Variants in TMOD1 observed in about 807,000 individuals in gnomAD.
The protein encoded by TMOD1 is tropomodulin 1.
Under a neutral mutation model 40.6 loss-of-function variants are expected in TMOD1, and 17 were observed. The ratio of observed to expected loss-of-function variants is 0.42; its 90% CI spans 0.29 to 0.63. TMOD1 has a LOEUF of 0.63. Ranked by LOEUF, TMOD1 falls within the 20% of genes least tolerant of loss-of-function variation. TMOD1 has a pLI of 0.22. For missense variants in TMOD1, 391 were observed against 447.6 expected (o/e 0.87, Z 1.14); for synonymous variants, 181 against 175.0 (o/e 1.03, Z -0.27).
At chr9:97,556,340 G>A (rs189507012) in intron 4 of TMOD1, among the ~76,000 whole-genome samples, 195 of 152,298 alleles carry the variant, frequency 1.3e-3, no homozygotes, top group African/African-American at 3.8e-3. Flanking sequence ...CAGAAACTCC[G>A]CATGAGATGA....
At position 97,599,651 on chromosome 9, in the gene TMOD1, G is replaced by A. The variant is rs779493590; in HGVS notation, c.1033G>A (p.Ala345Thr). 2 of 1,614,144 alleles carry A rather than the reference G, an allele frequency of 1.2e-6. No individual in the cohort carries two copies. Among genetic ancestry groups the A allele is most frequent in the Non-Finnish European group, 1.7e-6 (2 of 1,180,014 alleles). The change falls in exon 10 of 10, where the codon GCG becomes ACG. Residue 345 changes from alanine (A) to threonine (T), a missense_variant. Physicochemically the swap from Ala to Thr is moderately conservative, Grantham distance 58. Coordinates refer to ENST00000259365, the MANE Select transcript of TMOD1 (RefSeq NM_003275.4). ...CTTTCCAGTGAGGAAGAGGAGGCTT[G>A]CGGACCTGACTGGGCCCATCATTCC... ...NNDLVRKRRL[A>T]DLTGPIIPKC...
Position 97,502,506 on chromosome 9 carries a change from C to T in TMOD1, c.-49+703C>T, listed in dbSNP as rs1001716315. 6.6e-6 allele frequency among the ~76,000 whole-genome samples: 1 copy of T among 152,192 alleles called. No individual in the cohort carries two copies. The highest frequency in any genetic ancestry group is 2.4e-5 in the African/African-American group (1 of 41,454). The stretch of plus-strand genomic sequence containing the variant: ...CCTCTTGTTTCTGGATCTCAGTCTC[C>T]CATTTGTAGGGGCGAGGTTTGGTAG... On this transcript the variant is annotated intron_variant, in intron 1 of 9. Coordinates refer to ENST00000259365, the MANE Select transcript of TMOD1 (RefSeq NM_003275.4). The surrounding 1 kb of genome is among the most constrained non-coding windows in gnomAD (Gnocchi z 6.1).
intron 4 of TMOD1, among the ~76,000 whole-genome samples, chr9:97,561,881 T>C (rs1830645666): frequency 6.6e-6 from 1 of 152,188 alleles, no homozygotes. Flanking sequence ...CACTTACTCC[T>C]CCTTTGCATC....
rs138439344 is a variant in TMOD1 at position 97,570,527 on chromosome 9, T to C, written c.870+1490T>C. The stretch of plus-strand genomic sequence containing the variant: ...TTGGCACACCATGCATCAGGGCTTT[T>C]TTTTTTTCTTTGAGAGCCAGGTTAC... On this transcript the variant is annotated intron_variant, in intron 8 of 9. Coordinates refer to ENST00000259365, the MANE Select transcript of TMOD1 (RefSeq NM_003275.4). 6.1e-4 allele frequency among the ~76,000 whole-genome samples: 93 copies of C among 152,276 alleles called. 2 individuals carry two copies. Among genetic ancestry groups the C allele is most frequent in the African/African-American group, 2.2e-3 (90 of 41,540 alleles).
Position 97,565,928 on chromosome 9 carries a change from G to C in TMOD1, c.699G>C (p.Gly233=), listed in dbSNP as rs1053990076. Residue 233 remains glycine (G), a synonymous_variant, in exon 7 of 10, where the codon GGG becomes GGC. Coordinates refer to ENST00000259365, the MANE Select transcript of TMOD1 (RefSeq NM_003275.4). ...NSYVKKFSIV[G]TRSNDPVAYA... is the part of the protein sequence containing the mutation. ...ATGTGAAGAAGTTCAGCATCGTGGGGACACGGAGTAATGACCCCGTGGCGT... is the reference window on the plus strand; with the variant it reads ...ATGTGAAGAAGTTCAGCATCGTGGGCACACGGAGTAATGACCCCGTGGCGT... 2 of 1,614,214 alleles carry C rather than the reference G, an allele frequency of 1.2e-6. No individual in the cohort carries two copies. Among genetic ancestry groups the C allele is most frequent in the Non-Finnish European group, 1.7e-6 (2 of 1,180,030 alleles).
Position 97,557,276 on chromosome 9 carries a change from C to A in TMOD1, c.397+3876C>A, listed in dbSNP as rs1403205401. Among the ~76,000 whole-genome samples, 1 of 152,162 alleles carries A rather than the reference C, an allele frequency of 6.6e-6. No homozygotes were observed. The highest frequency in any genetic ancestry group is 2.4e-5 in the African/African-American group (1 of 41,432). On this transcript the variant is annotated intron_variant, in intron 4 of 9. Transcript: ENST00000259365. This position sits in a 1 kb window ranked among gnomAD's most constrained non-coding sequence, Gnocchi z 4.4. ...GGCTAAGTTCTTGGCGCATAGCCTA[C>A]AGGGTTGTAGGTCAGAGGCTGCTGG... is the stretch of plus-strand genomic sequence containing the variant.
chr9:97,552,556 ATGT>A (rs1309538436), intron 3 of TMOD1, among the ~76,000 whole-genome samples: 1 of 152,240 alleles, frequency 6.6e-6, no homozygotes, highest in African/African-American at 2.4e-5. Flanking sequence ...CACTCAATAA[ATGT>A]TGTTGAGTAA....
At chr9:97,569,532 C>G (rs1401084084) in intron 8 of TMOD1, among the ~76,000 whole-genome samples, 1 of 152,206 alleles carries the variant, frequency 6.6e-6, no homozygotes, top group Non-Finnish European at 1.5e-5. Flanking sequence ...CTAGGCAATT[C>G]TAGTTTGTCT....
At chr9:97,553,446 A>G (rs1183125655) in intron 4 of TMOD1, 46 bp downstream of exon 4, 7 of 1,611,828 alleles carry the variant, frequency 4.3e-6, no homozygotes, top group Non-Finnish European at 3.4e-6. Context: ...GAAGGATTTG[A>G]CCCACATCTG....
rs1434037055 is a variant in TMOD1, at chr9:97,600,575, A to G, written c.*877A>G. ...TTATGTGAGGTAAGACACTAGAGGG[A>G]TAAATTTCCAGATCAACATGGCTAT... On this transcript the variant is annotated 3_prime_UTR_variant, in exon 10 of 10. Transcript: ENST00000259365. 4 of 986,182 alleles carry G rather than the reference A, an allele frequency of 4.1e-6. No individual in the cohort carries two copies. The highest frequency in any genetic ancestry group is 4.8e-6 in the Non-Finnish European group (4 of 830,582). The allele number at this position is 986,182 out of a possible 1,614,324, so 61.1% of individuals were successfully genotyped here. A position where few individuals can be genotyped will look rare whatever the true frequency, so the allele number is the denominator to read the frequency against.
At chr9:97,597,930 TCCTC>T (rs1006493411) in intron 9 of TMOD1, among the ~76,000 whole-genome samples, 12 of 151,962 alleles carry the variant, frequency 7.9e-5, no homozygotes, top group African/African-American at 2.9e-4. Context: ...AAGGAGCTAA[TCCTC>T]CCTGTGAGAA....
chr9:97,550,796 G>A (rs972738178), intron 3 of TMOD1, among the ~76,000 whole-genome samples: 1 of 151,770 alleles, frequency 6.6e-6, no homozygotes, highest in Non-Finnish European at 1.5e-5. Context: ...TATGGTTTTT[G>A]AATATTTTTC....
chr9:97,546,507 T>A (rs1329559474), intron 3 of TMOD1, among the ~76,000 whole-genome samples, 166 bp downstream of exon 3: 1 of 152,140 alleles, frequency 6.6e-6, no homozygotes, highest in Non-Finnish European at 1.5e-5. Context: ...AAAGCATCTA[T>A]GGATGATGTA....
rs767315795 is a variant in TMOD1, at chr9:97,591,394, G to A, written c.974G>A (p.Arg325Gln). The change falls in exon 9 of 10, where the codon CGG (arginine) becomes CAG (glutamine). Residue 325 changes from arginine (R) to glutamine (Q), a missense_variant. Coordinates refer to ENST00000259365, the MANE Select transcript of TMOD1 (RefSeq NM_003275.4). ...FGYHFTQQGP[R>Q]LRASNAMMNN... Reference sequence around the variant, plus strand: ...TACCACTTTACCCAGCAAGGACCCCGGCTTCGGGCATCCAACGCAATGATG... The same window carrying A: ...TACCACTTTACCCAGCAAGGACCCCAGCTTCGGGCATCCAACGCAATGATG... 3.7e-6 allele frequency: 6 copies of A among 1,614,160 alleles called. No individual in the cohort carries two copies. The Admixed American group carries it at 5.0e-5, about 13-fold the overall frequency.
chr9:97,509,417 G>C (rs1019551013), intron 1 of TMOD1, among the ~76,000 whole-genome samples: 1 of 151,410 alleles, frequency 6.6e-6, no homozygotes, highest in African/African-American at 2.4e-5. Flanking sequence ...GTAGTCTGTT[G>C]TATGTCTCTA....
At position 97,600,847 on chromosome 9, in the gene TMOD1, C is replaced by G. The variant is rs965517396; in HGVS notation, c.*1149C>G. The G allele has an allele frequency of 1.9e-6, 2 of 1,078,276 alleles. No homozygotes were observed. The highest frequency in any genetic ancestry group is 2.3e-6 in the Non-Finnish European group (2 of 881,942). The allele number at this position is 1,078,276 out of a possible 1,614,324, so 66.8% of individuals were successfully genotyped here. On this transcript the variant is annotated 3_prime_UTR_variant, in exon 10 of 10. Coordinates refer to ENST00000259365, the MANE Select transcript of TMOD1 (RefSeq NM_003275.4). Reference sequence around the variant, plus strand: ...ATCATGTGCGTCTCTTGGGATCCAGCAAAAGTGTTAAGCCACAATGCCCTT... The same window carrying G: ...ATCATGTGCGTCTCTTGGGATCCAGGAAAAGTGTTAAGCCACAATGCCCTT...
chr9:97,547,876 C>T (rs1357670711), intron 3 of TMOD1, among the ~76,000 whole-genome samples: 1 of 152,210 alleles, frequency 6.6e-6, no homozygotes, highest in Non-Finnish European at 1.5e-5. Context: ...GTACTCCCAG[C>T]ATGCAGCCAG....
chr9:97,590,063 C>CT lies in TMOD1; in HGVS notation c.871-1219dup, dbSNP rs914146227. Among the ~76,000 whole-genome samples, 387 of 150,002 alleles carry CT rather than the reference C, an allele frequency of 2.6e-3. 1 individual carries two copies. Among genetic ancestry groups the CT allele is most frequent in the Middle Eastern group, 6.8e-3 (2 of 292 alleles). ...CTATTTTGTGACCAGGGTTTTTTTT[C>CT]TTTTTTTTTCTTTCCATTCAATATT... On this transcript the variant is annotated intron_variant, in intron 8 of 9. Coordinates refer to ENST00000259365, the MANE Select transcript of TMOD1 (RefSeq NM_003275.4).
At chr9:97,563,944 A>C in intron 5 of TMOD1, 94 bp from the exon 6 acceptor site, 1 of 1,520,510 alleles carries the variant, frequency 6.6e-7, no homozygotes, top group South Asian at 1.3e-5. Flanking sequence ...ACGTGCCCCA[A>C]CCCTGCACAT....
Sources: gnomAD v4.1 joint callset for allele counts (sites outside exome capture counted in the v4.1 genomes callset) on GRCh38, gnomAD v4.1.1 for gene constraint, Gnocchi (gnomAD v3.1) non-coding constraint, MANE v1.5 for transcripts, NCBI Gene and HGNC (gene_info 2026-07-23, HGNC 2026-07-21) for gene names.